The following SLC23A2 variants were observed in gnomAD, a reference collection of about 807,000 sequenced individuals.
SLC23A2 encodes solute carrier family 23 member 2, also known as Na(+)/L-ascorbic acid transporter 2.
Under a neutral mutation model 73.3 loss-of-function variants are expected in SLC23A2, and 36 were observed. The observed-to-expected ratio is 0.49, with a 90% confidence interval of 0.38 to 0.65. The LOEUF is 0.65. Ranked by LOEUF, SLC23A2 falls within the 30% of genes least tolerant of loss-of-function variation. SLC23A2 has a pLI of 0.00. For synonymous variants in SLC23A2, 343 were observed against 327.3 expected (o/e 1.05, Z -0.52); for missense variants, 507 against 841.6 (o/e 0.60, Z 4.92).
chr20:4,880,377 T>A (rs1930834475), intron 9 of SLC23A2, among the ~76,000 whole-genome samples: 1 of 152,106 alleles, frequency 6.6e-6, no homozygotes, highest in Non-Finnish European at 1.5e-5. Context: ...CTTCCTTTAT[T>A]AGTTCACAAC....
At chr20:4,926,950 C>T (rs1364709791) in intron 3 of SLC23A2, among the ~76,000 whole-genome samples, 1 of 151,922 alleles carries the variant, frequency 6.6e-6, no homozygotes, top group Non-Finnish European at 1.5e-5. Flanking sequence ...CAGCAACGGC[C>T]AGATTTGGTT....
chr20:4,943,596 G>T (rs1411694288), intron 2 of SLC23A2, among the ~76,000 whole-genome samples: 2 of 150,540 alleles, frequency 1.3e-5, no homozygotes, highest in African/African-American at 4.9e-5. Flanking sequence ...GATGGCTTGA[G>T]TCCAGAAGGT....
At chr20:4,884,397 C>T (rs1393105723) in intron 8 of SLC23A2, among the ~76,000 whole-genome samples, 2 of 152,202 alleles carry the variant, frequency 1.3e-5, no homozygotes, top group Non-Finnish European at 2.9e-5. Flanking sequence ...TTTCAATGAA[C>T]ACAGGCAAAC....
chr20:4,893,570 A>G (rs549951300), intron 6 of SLC23A2, among the ~76,000 whole-genome samples: 1 of 152,288 alleles, frequency 6.6e-6, no homozygotes, highest in African/African-American at 2.4e-5. Context: ...CTTGTACTCA[A>G]TGAGCACATA....
At chr20:4,934,348 G>A (rs1334784222) in intron 2 of SLC23A2, among the ~76,000 whole-genome samples, 1 of 151,976 alleles carries the variant, frequency 6.6e-6, no homozygotes, top group Non-Finnish European at 1.5e-5. Context: ...TCAATGCACA[G>A]GACAGATCCC....
At chr20:4,931,813 T>C (rs1275229100) in intron 3 of SLC23A2, among the ~76,000 whole-genome samples, 1 of 152,196 alleles carries the variant, frequency 6.6e-6, no homozygotes, top group Non-Finnish European at 1.5e-5. Context: ...AATACTATTC[T>C]TGCCATTAAC....
chr20:4,879,408 C>CAAAAAAAAAAAAAAAA (rs111565515), intron 9 of SLC23A2, among the ~76,000 whole-genome samples: 13 of 42,998 alleles, frequency 3.0e-4, no homozygotes, highest in African/African-American at 3.6e-4. Context: ...AACTCTGTCT[C>CAAAAAAAAAAAAAAAA]AAAAAAAAAA....
chr20:4,922,400 G>A (rs543848276), intron 3 of SLC23A2, among the ~76,000 whole-genome samples: 17 of 152,180 alleles, frequency 1.1e-4, no homozygotes, highest in Non-Finnish European at 1.6e-4. Flanking sequence ...ATCACATGGG[G>A]TAGGAAAGGA....
chr20:4,880,237 C>T (rs1398693026), intron 9 of SLC23A2, among the ~76,000 whole-genome samples: 1 of 152,226 alleles, frequency 6.6e-6, no homozygotes, highest in African/African-American at 2.4e-5. Flanking sequence ...TGCATATAGT[C>T]TCTGTTCCTT....
intron 13 of SLC23A2, among the ~76,000 whole-genome samples, chr20:4,865,666 C>G (rs545693171): frequency 4.6e-5 from 7 of 152,238 alleles, no homozygotes; most frequent in Admixed American, 1.3e-4. Context: ...AACAATTTTA[C>G]TCCTACAGTC....
At position 4,921,300 on chromosome 20, in the gene SLC23A2, A is replaced by C. The variant is rs151246048; in HGVS notation, c.109-8322T>G. Among the ~76,000 whole-genome samples the C allele has an allele frequency of 4.1e-3, 628 of 152,350 alleles. 5 individuals carry two copies. Among genetic ancestry groups the C allele is most frequent in the African/African-American group, 0.014 (578 of 41,574 alleles). On this transcript the variant is annotated intron_variant, in intron 3 of 16. Transcript: ENST00000338244. ...TACTTGTCTTAAATCTCTGGAAAGA[A>C]ATACATCAAGGCTGGGCACAGTGGC...
Position 4,883,763 on chromosome 20 carries a change from G to A in SLC23A2, c.703C>T (p.Pro235Ser). 1 of 1,613,808 alleles carries A rather than the reference G, an allele frequency of 6.2e-7. No homozygotes were observed. Among genetic ancestry groups the A allele is most frequent in the Non-Finnish European group, 8.5e-7 (1 of 1,179,804 alleles). ...IEVVIGLLGL[P>S]GALLKYIGPL... ...CCGATGTACTTCAGTAGAGCCCCAG[G>A]CAGGCCGAGGAGGCCGATGACTACT... The change falls in exon 9 of 17, where the codon CCT (proline) becomes TCT (serine). Residue 235 changes from proline (P) to serine (S), a missense_variant. Physicochemically the swap from Pro to Ser is moderately conservative, Grantham distance 74. This residue lies in a region of SLC23A2 where 217 missense variants were observed against 398.0 expected (regional missense o/e 0.55). Coordinates refer to ENST00000338244, the MANE Select transcript of SLC23A2 (RefSeq NM_005116.6). This position sits in a 1 kb window ranked among gnomAD's most constrained non-coding sequence, Gnocchi z 4.5.
intron 9 of SLC23A2, among the ~76,000 whole-genome samples, chr20:4,882,335 A>G (rs754207962): frequency 2.0e-5 from 3 of 152,160 alleles, no homozygotes; most frequent in Non-Finnish European, 2.9e-5. Flanking sequence ...AGATCGCACC[A>G]CTGCACTCCA....
chr20:4,933,756 G>A (rs760952363), intron 2 of SLC23A2, among the ~76,000 whole-genome samples: 1 of 152,150 alleles, frequency 6.6e-6, no homozygotes, highest in Non-Finnish European at 1.5e-5. Flanking sequence ...GGTAAGGGTG[G>A]GAAGGGCAGA....
At chr20:4,912,835 G>A (rs752525639) in intron 4 of SLC23A2, 45 bp downstream of exon 4, 1 of 1,211,442 alleles carries the variant, frequency 8.3e-7, no homozygotes, top group Non-Finnish European at 1.2e-6. Context: ...ACTTGTGGGA[G>A]GGGATGGCGG....
Position 4,873,936 on chromosome 20 carries a change from A to C in SLC23A2, c.1102T>G (p.Phe368Val). The C allele has an allele frequency of 1.2e-6, 2 of 1,612,392 alleles. No individual in the cohort carries two copies. Among genetic ancestry groups the C allele is most frequent in the Non-Finnish European group, 1.7e-6 (2 of 1,179,108 alleles). Residue 368 changes from phenylalanine (F) to valine (V), a missense_variant and splice_region_variant, in exon 11 of 17, where the codon TTT becomes GTT. Around this residue, in one of 5 missense-constraint regions of SLC23A2, gnomAD observed 217 missense variants for 398.0 expected, o/e 0.55. Coordinates refer to ENST00000338244, the MANE Select transcript of SLC23A2 (RefSeq NM_005116.6). ...VAPWFKVPYP[F>V]QWGLPTVSAA... is the part of the protein sequence containing the mutation. ...CCCCTCTAGCCATCAGAATACTTACATGGGTATGGAACCTTAAACCACGGG... is the reference window on the plus strand; with the variant it reads ...CCCCTCTAGCCATCAGAATACTTACCTGGGTATGGAACCTTAAACCACGGG...
At chr20:4,962,586 G>A (rs2087410153) in intron 2 of SLC23A2, among the ~76,000 whole-genome samples, 2 of 152,334 alleles carry the variant, frequency 1.3e-5, no homozygotes, top group South Asian at 4.1e-4. Flanking sequence ...AAAGGTAAAA[G>A]GTCAGTGAGG....
At chr20:4,939,408 G>T (rs998805205) in intron 2 of SLC23A2, among the ~76,000 whole-genome samples, 9 of 152,214 alleles carry the variant, frequency 5.9e-5, no homozygotes, top group African/African-American at 2.2e-4. Flanking sequence ...CACCGACCAA[G>T]AAAGATGAGG....
chr20:4,908,070 T>G (rs1760006711), intron 4 of SLC23A2, among the ~76,000 whole-genome samples: 1 of 152,166 alleles, frequency 6.6e-6, no homozygotes, highest in Admixed American at 6.5e-5. Context: ...TAAAGAGAAC[T>G]GATAGCTGGA....
Sources: gnomAD v4.1 joint callset for allele counts (sites outside exome capture counted in the v4.1 genomes callset) on GRCh38, gnomAD v4.1.1 for gene constraint, gnomAD v4.1.1 regional missense constraint, Gnocchi (gnomAD v3.1) non-coding constraint, MANE v1.5 for transcripts, NCBI Gene and HGNC (gene_info 2026-07-23, HGNC 2026-07-21) for gene names.